ST6GAL1: variants seen among roughly 807,000 people sequenced by gnomAD.
The protein encoded by ST6GAL1 is ST6 beta-galactoside alpha-2,6-sialyltransferase 1.
Under a neutral mutation model 38.0 loss-of-function variants are expected in ST6GAL1, and 20 were observed. The ratio of observed to expected loss-of-function variants is 0.53; its 90% CI spans 0.37 to 0.77. The LOEUF (loss-of-function observed/expected upper bound fraction) is 0.77. Ranked by LOEUF, ST6GAL1 falls within the 30% of genes least tolerant of loss-of-function variation. ST6GAL1 has a pLI of 0.00. For synonymous variants in ST6GAL1, 196 were observed against 188.2 expected, an observed-to-expected ratio of 1.04 and a Z score of -0.34; for missense variants, 432 against 496.4, an observed-to-expected ratio of 0.87 and a Z score of 1.23.
chr3:187,001,366 A>T (rs141687514), intron 2 of ST6GAL1, among the ~76,000 whole-genome samples: 1 of 152,230 alleles, frequency 6.6e-6, no homozygotes, highest in Non-Finnish European at 1.5e-5. Flanking sequence ...ATCAGGTGAC[A>T]GCAATGTCTC....
intron 2 of ST6GAL1, among the ~76,000 whole-genome samples, chr3:186,971,611 T>G (rs1474934166): frequency 6.6e-6 from 1 of 152,226 alleles, no homozygotes; most frequent in Non-Finnish European, 1.5e-5. Context: ...GGAATCTGAC[T>G]TCCTTGTTCT....
intron 3 of ST6GAL1, among the ~76,000 whole-genome samples, chr3:187,039,233 A>T (rs568814136): frequency 1.3e-5 from 2 of 152,308 alleles, no homozygotes; most frequent in Admixed American, 1.3e-4. Context: ...CTGCCGGTTC[A>T]GTGTTGGCCA....
chr3:187,065,891 C>T (rs1719093821), intron 5 of ST6GAL1, among the ~76,000 whole-genome samples: 1 of 152,184 alleles, frequency 6.6e-6, no homozygotes, highest in Admixed American at 6.5e-5. Context: ...GACCACCAAC[C>T]ACCATTTTAC....
At chr3:187,022,744 A>G (rs771685512) in intron 2 of ST6GAL1, among the ~76,000 whole-genome samples, 1 of 152,208 alleles carries the variant, frequency 6.6e-6, no homozygotes, top group Non-Finnish European at 1.5e-5. Flanking sequence ...AAATATGTCA[A>G]AGAAATGTAT....
At chr3:187,028,549 T>C (rs867321842) in intron 2 of ST6GAL1, among the ~76,000 whole-genome samples, 14 of 152,156 alleles carry the variant, frequency 9.2e-5, no homozygotes, top group Admixed American at 2.0e-4. Context: ...CTACTTCACA[T>C]GCATAGGACT....
At chr3:186,983,390 C>T (rs1332266765) in intron 2 of ST6GAL1, among the ~76,000 whole-genome samples, 2 of 152,008 alleles carry the variant, frequency 1.3e-5, no homozygotes, top group African/African-American at 2.4e-5. Flanking sequence ...AATGAGAAAA[C>T]AAAGAGAGGG....
chr3:187,066,217 C>T (rs1719118710), intron 5 of ST6GAL1, among the ~76,000 whole-genome samples: 1 of 152,168 alleles, frequency 6.6e-6, no homozygotes, highest in South Asian at 2.1e-4. Flanking sequence ...TGATGGCAAT[C>T]ATGAGTTCTG....
chr3:186,996,677 T>A (rs1037923282), intron 2 of ST6GAL1: 1 of 152,166 alleles, frequency 6.6e-6, no homozygotes, highest in African/African-American at 2.4e-5. Context: ...CAACCAGGTA[T>A]CTCTGGTGAC....
chr3:187,012,782 T>C (rs1156696811), intron 2 of ST6GAL1, among the ~76,000 whole-genome samples: 1 of 152,230 alleles, frequency 6.6e-6, no homozygotes, highest in Non-Finnish European at 1.5e-5. Flanking sequence ...TTTCTTCCCC[T>C]GAGCACATTC....
chr3:187,059,051 G>T (rs1718819206), intron 5 of ST6GAL1, among the ~76,000 whole-genome samples: 1 of 152,180 alleles, frequency 6.6e-6, no homozygotes, highest in African/African-American at 2.4e-5. Context: ...GGCAGGACTT[G>T]GGGAAATAGC....
At chr3:187,020,142 C>T (rs767358300) in intron 2 of ST6GAL1, among the ~76,000 whole-genome samples, 2 of 151,970 alleles carry the variant, frequency 1.3e-5, no homozygotes, top group Non-Finnish European at 2.9e-5. Context: ...ACTAAAAATA[C>T]AAAAATTAGC....
intron 5 of ST6GAL1, chr3:187,072,535 A>G (rs1428533456): frequency 2.7e-6 from 1 of 364,504 alleles, no homozygotes; most frequent in Non-Finnish European, 5.3e-6. Flanking sequence ...ACCACCACAC[A>G]AGCTGTGACT....
At chr3:187,015,149 G>A (rs774065253) in intron 2 of ST6GAL1, among the ~76,000 whole-genome samples, 1 of 152,190 alleles carries the variant, frequency 6.6e-6, no homozygotes, top group Non-Finnish European at 1.5e-5. Context: ...GGAGGGTACA[G>A]CATCCCCTGC....
chr3:186,998,510 TGAG>T (rs1716494276), intron 2 of ST6GAL1, among the ~76,000 whole-genome samples: 1 of 152,024 alleles, frequency 6.6e-6, no homozygotes, highest in Non-Finnish European at 1.5e-5. Context: ...TTGAGCAGGC[TGAG>T]GAGGAGGAAG....
At chr3:186,979,336 A>T (rs575438826) in intron 2 of ST6GAL1, among the ~76,000 whole-genome samples, 1 of 152,112 alleles carries the variant, frequency 6.6e-6, no homozygotes, top group Non-Finnish European at 1.5e-5. Context: ...CCTAGGACCT[A>T]TTGAGAGAAG....
At chr3:187,053,842 A>T (rs967363488) in intron 5 of ST6GAL1, among the ~76,000 whole-genome samples, 2 of 152,196 alleles carry the variant, frequency 1.3e-5, no homozygotes, top group African/African-American at 4.8e-5. Context: ...GAAGAATGTC[A>T]TTGGTAGCTT....
Position 187,042,550 on chromosome 3 carries a change from C to A in ST6GAL1, c.-50-104C>A, listed in dbSNP as rs1718160803. 3 of 1,132,808 alleles carry A rather than the reference C, an allele frequency of 2.6e-6. No homozygotes were observed. In the African/African-American group the frequency reaches 4.7e-5, roughly 18 times the overall value. 70.2% of individuals were successfully genotyped at this position (1,132,808 alleles called of 1,614,324 possible). A position where few individuals can be genotyped will look rare whatever the true frequency, so the allele number is the denominator to read the frequency against. On this transcript the variant is annotated intron_variant, in intron 3 of 7. Transcript: ENST00000169298. Reference sequence around the variant, plus strand: ...CAGGAGGTAGACCAGGGCTGGAATTCAAGTCACCTCATTTCAAATCTATTG... The same window carrying A: ...CAGGAGGTAGACCAGGGCTGGAATTAAAGTCACCTCATTTCAAATCTATTG...
intron 2 of ST6GAL1, among the ~76,000 whole-genome samples, chr3:186,982,070 A>G (rs1401794325): frequency 2.0e-5 from 3 of 152,240 alleles, no homozygotes; most frequent in African/African-American, 7.2e-5. Context: ...TAGAAAATTC[A>G]ACTAGATTTC....
intron 5 of ST6GAL1, among the ~76,000 whole-genome samples, chr3:187,066,580 A>G (rs182056999): frequency 4.2e-4 from 63 of 148,506 alleles, no homozygotes; most frequent in African/African-American, 1.5e-3. Context: ...CAGTGGTAAT[A>G]TCTGAAGATG....
Sources: allele counts gnomAD v4.1 joint callset (sites outside exome capture counted in the v4.1 genomes callset), GRCh38; gene constraint gnomAD v4.1.1; transcripts MANE v1.5; gene names NCBI Gene and HGNC (gene_info 2026-07-23, HGNC 2026-07-21).